Variants in BCAR1 observed in about 807,000 individuals in gnomAD.
The protein encoded by BCAR1 is breast cancer anti-estrogen resistance protein 1.
A neutral mutation model predicts 67.6 loss-of-function variants in BCAR1; 30 were observed. The observed-to-expected ratio is 0.44, with a 90% CI of 0.33 to 0.60. BCAR1 has a LOEUF of 0.60. Among genes scored for constraint, BCAR1 ranks in the 20% least tolerant of loss-of-function variants. The probability of loss-of-function intolerance (pLI) is 0.02; values close to 1 mark genes in which losing one functional copy is unlikely to be tolerated. For synonymous variants in BCAR1, 626 were observed against 556.7 expected (o/e 1.12, Z -1.75); for missense variants, 1,313 against 1,222.3 (o/e 1.07, Z -1.11).
At chr16:75,247,985 G>C (rs1311403748) in intron 1 of BCAR1, 2 of 928,068 alleles carry the variant, frequency 2.2e-6, no homozygotes, top group Non-Finnish European at 3.5e-6. Flanking sequence ...CCCTGCGGGA[G>C]GCAGAGCTCT....
chr16:75,231,190 G>A (rs922617192), intron 6 of BCAR1, among the ~76,000 whole-genome samples: 1 of 151,388 alleles, frequency 6.6e-6, no homozygotes, highest in African/African-American at 2.4e-5. Flanking sequence ...TCTGCCTCCT[G>A]GGTTCAAGCG....
At chr16:75,257,114 G>C (rs2077796112) in intron 1 of BCAR1, among the ~76,000 whole-genome samples, 1 of 152,154 alleles carries the variant, frequency 6.6e-6, no homozygotes, top group Non-Finnish European at 1.5e-5. Flanking sequence ...CCATGGCTGG[G>C]GGCTGCCCAG....
chr16:75,230,495 A>G (rs2151387302), intron 6 of BCAR1, among the ~76,000 whole-genome samples: 1 of 152,348 alleles, frequency 6.6e-6, no homozygotes, highest in South Asian at 2.1e-4. Flanking sequence ...CATACACATT[A>G]TAAAAAGATT....
chr16:75,251,658 G>A, upstream of BCAR1: 2 of 998,078 alleles, frequency 2.0e-6, no homozygotes, highest in Non-Finnish European at 2.4e-6. Context: ...GGCCCAGCCG[G>A]CCCAGCCCGA....
At chr16:75,238,547 G>C (rs1027602691) in intron 2 of BCAR1, 1 of 990,570 alleles carries the variant, frequency 1.0e-6, no homozygotes, top group Non-Finnish European at 1.2e-6. Context: ...CTGAGCATGG[G>C]GGTGGCAGAG....
At position 75,236,952 on chromosome 16, in the gene BCAR1, T is replaced by G; in HGVS notation, c.842A>C (p.Asp281Ala). 6.2e-7 allele frequency: 1 copy of G among 1,611,608 alleles called. No homozygotes were observed. The change falls in exon 4 of 7, where the codon GAC (aspartate) becomes GCC (alanine). Residue 281 changes from aspartate (D) to alanine (A), a missense_variant. Physicochemically the swap from Asp to Ala is moderately radical, Grantham distance 126. Transcript: ENST00000162330. ...CACGTCATACACCTCCAGCAACGGG[T>G]CTCGGCCATTGGGACCCTTGACAGC... ...PMAVKGPNGRDPLLEVYDVPP... is the reference protein window; with the variant it reads ...PMAVKGPNGRAPLLEVYDVPP...
At chr16:75,239,062 T>G (rs1042597803) in intron 2 of BCAR1, 2 of 985,304 alleles carry the variant, frequency 2.0e-6, no homozygotes, top group African/African-American at 3.5e-5. Flanking sequence ...CCTGCCACTC[T>G]TGGAGCTGAG....
intron 6 of BCAR1, among the ~76,000 whole-genome samples, chr16:75,231,032 T>G (rs1479323374): frequency 6.9e-6 from 1 of 145,124 alleles, no homozygotes; most frequent in Non-Finnish European, 1.5e-5. Flanking sequence ...TTTGTGGGGT[T>G]TTTTTTTTTT....
intron 1 of BCAR1, chr16:75,267,827 T>A (rs1414436957): frequency 2.5e-5 from 35 of 1,416,912 alleles, no homozygotes; most frequent in Non-Finnish European, 3.1e-5. Flanking sequence ...ATCCTGCCTC[T>A]TACCGCCCCA....
chr16:75,264,444 G>A (rs1319037613), intron 1 of BCAR1: 1 of 1,517,710 alleles, frequency 6.6e-7, no homozygotes, highest in Admixed American at 2.1e-5. Context: ...CTGGGCCAGA[G>A]AAGTCCAGAA....
chr16:75,257,321 C>G (rs1349218570), intron 1 of BCAR1, among the ~76,000 whole-genome samples: 1 of 152,202 alleles, frequency 6.6e-6, no homozygotes, highest in East Asian at 1.9e-4. Context: ...CACAGATACC[C>G]ACCCGGCCAC....
upstream of BCAR1, among the ~76,000 whole-genome samples, chr16:75,254,559 A>G (rs1210911181): frequency 6.6e-6 from 1 of 152,226 alleles, no homozygotes; most frequent in East Asian, 1.9e-4. Flanking sequence ...AGAGGCACAC[A>G]CTTGCATACA....
chr16:75,248,029 A>T (rs1379828560), intron 1 of BCAR1: 1 of 1,404,862 alleles, frequency 7.1e-7, no homozygotes, highest in East Asian at 2.3e-5. Flanking sequence ...TTAACCCTCA[A>T]AACAACCCCA....
chr16:75,249,790 T>G (rs1260497416), intron 1 of BCAR1: 1 of 152,230 alleles, frequency 6.6e-6, no homozygotes, highest in African/African-American at 2.4e-5. Flanking sequence ...TCCTACCAAG[T>G]TGACAACTCC....
At chr16:75,266,514 G>C (rs1435709349) in intron 1 of BCAR1, 8 of 386,002 alleles carry the variant, frequency 2.1e-5, no homozygotes, top group Non-Finnish European at 3.2e-5. Flanking sequence ...GCTGGAAGAC[G>C]AGCCTTCGTG....
At chr16:75,247,831 A>G in intron 1 of BCAR1, 1 of 581,568 alleles carries the variant, frequency 1.7e-6, no homozygotes, top group Non-Finnish European at 3.1e-6. Context: ...AGCACCCGCA[A>G]GCCAGCACAA....
At chr16:75,261,141 C>T (rs896167700) in intron 1 of BCAR1, among the ~76,000 whole-genome samples, 1 of 152,226 alleles carries the variant, frequency 6.6e-6, no homozygotes, top group Admixed American at 6.5e-5. Flanking sequence ...CAACCTGTCC[C>T]CAGAACTCTT....
At chr16:75,251,676 A>G, upstream of BCAR1, 2 of 995,354 alleles carry the variant, frequency 2.0e-6, no homozygotes, top group South Asian at 9.2e-5. Context: ...CGATCCCAGC[A>G]TGCCCGGCCG....
chr16:75,237,332 TG>T lies in BCAR1; in HGVS notation c.645del (p.Thr216ProfsTer97). 6.8e-7 allele frequency: 1 copy of T among 1,465,072 alleles called. No homozygotes were observed. Among genetic ancestry groups the T allele is most frequent in the South Asian group, 1.4e-5 (1 of 70,038 alleles). The allele number at this position is 1,465,072 out of a possible 1,614,324, so 90.8% of individuals were successfully genotyped here. A position where few individuals can be genotyped will look rare whatever the true frequency, so the allele number is the denominator to read the frequency against. On this transcript the variant is annotated frameshift_variant, in exon 3 of 7. Coordinates refer to ENST00000162330, the MANE Select transcript of BCAR1 (RefSeq NM_014567.5). LOFTEE classifies it high-confidence loss of function. The stretch of plus-strand genomic sequence containing the variant: ...TATACATAGCCCTGCCCCACGCGGG[TG>T]GGCACCACCACCTGGGGGCAGAGAG... ...GTKPPAKVVVPTRVGQGYVYE... is the reference protein window; with the variant it reads ...GTKPPAKVVVXTRVGQGYVYE...
Sources: allele counts gnomAD v4.1 joint callset (sites outside exome capture counted in the v4.1 genomes callset), GRCh38; gene constraint gnomAD v4.1.1; transcripts MANE v1.5; gene names NCBI Gene and HGNC (gene_info 2026-07-23, HGNC 2026-07-21).